FAM117B: variants seen among roughly 807,000 people sequenced by gnomAD.
FAM117B encodes the protein family with sequence similarity 117 member B, also known as protein FAM117B.
In FAM117B, 22 loss-of-function variants were observed where a neutral mutation model predicts 52.8. That is an observed-to-expected ratio of 0.42 (90% CI 0.30 to 0.59). The LOEUF is 0.59. Among genes scored for constraint, FAM117B ranks in the 20% least tolerant of loss-of-function variants. FAM117B has a pLI of 0.22. For synonymous variants in FAM117B, 309 were observed against 324.1 expected (o/e 0.95, Z 0.50); for missense variants, 678 against 802.6 (o/e 0.84, Z 1.88).
chr2:202,667,511 C>G (rs895528222), intron 1 of FAM117B, among the ~76,000 whole-genome samples: 2 of 151,914 alleles, frequency 1.3e-5, no homozygotes, highest in African/African-American at 4.8e-5. Flanking sequence ...CATGTGCTGT[C>G]TCTTTTTCCA....
chr2:202,711,483 C>T (rs990307825), intron 2 of FAM117B, among the ~76,000 whole-genome samples: 1 of 152,102 alleles, frequency 6.6e-6, no homozygotes, highest in Non-Finnish European at 1.5e-5. Context: ...TATTTTCTCC[C>T]ATTCTTTGGG....
At chr2:202,637,449 G>A (rs1689706013) in intron 1 of FAM117B, among the ~76,000 whole-genome samples, 1 of 151,844 alleles carries the variant, frequency 6.6e-6, no homozygotes, top group African/African-American at 2.4e-5. Flanking sequence ...TAGAGATGGG[G>A]TTTCACCATG....
At chr2:202,765,174 T>A (rs1012378979) in intron 7 of FAM117B, among the ~76,000 whole-genome samples, 21 of 152,180 alleles carry the variant, frequency 1.4e-4, no homozygotes, top group Non-Finnish European at 1.5e-5. Context: ...CTGAGCCACC[T>A]GCATGGTAAT....
In FAM117B at chr2:202,635,605, C is replaced by T; in HGVS notation, c.418C>T (p.Pro140Ser). Reference sequence around the variant, plus strand: ...TGGAGCTCGCGGGAGCCCCCCACGGCCGCCGCCGCCGCCGCCGCTGCTGGG... The same window carrying T: ...TGGAGCTCGCGGGAGCCCCCCACGGTCGCCGCCGCCGCCGCCGCTGCTGGG... The part of the protein sequence containing the change: ...APGARGSPPR[P>S]PPPPPLLGTV... The change falls in exon 1 of 8, where the codon CCG (proline) becomes TCG (serine). Residue 140 changes from proline (P) to serine (S), a missense_variant. Transcript: ENST00000392238. 1 of 1,247,706 alleles carries T rather than the reference C, an allele frequency of 8.0e-7. No homozygotes were observed. The highest frequency in any genetic ancestry group is 1.0e-6 in the Non-Finnish European group (1 of 997,730). 77.3% of individuals were successfully genotyped at this position (1,247,706 alleles called of 1,614,324 possible).
chr2:202,731,362 T>TATATATATATATATATACAC (rs1185524899), intron 4 of FAM117B, among the ~76,000 whole-genome samples: 2 of 131,358 alleles, frequency 1.5e-5, no homozygotes, highest in East Asian at 2.3e-4. Context: ...TATATATATA[T>TATATATATATATATATACAC]ATATATGGAG....
intron 4 of FAM117B, among the ~76,000 whole-genome samples, chr2:202,752,097 A>T (rs1166082945): frequency 2.0e-5 from 3 of 152,212 alleles, no homozygotes; most frequent in Middle Eastern, 3.4e-3. Flanking sequence ...AAAATAAGTG[A>T]CACTTGAAAA....
intron 2 of FAM117B, among the ~76,000 whole-genome samples, chr2:202,715,226 C>T (rs1217427668): frequency 1.3e-5 from 2 of 151,656 alleles, no homozygotes; most frequent in South Asian, 2.1e-4. Context: ...ACACCTCCCT[C>T]CCGGACGGGG....
rs972371982 is a variant in FAM117B, at chr2:202,660,003, GTTTC to G, written c.601+24222_601+24225del. Among the ~76,000 whole-genome samples, 4 of 151,678 alleles carry G rather than the reference GTTTC, an allele frequency of 2.6e-5. No individual in the cohort carries two copies. The East Asian group carries it at 7.8e-4, about 29-fold the overall frequency. On this transcript the variant is annotated intron_variant, in intron 1 of 7. Transcript: ENST00000392238. ...CTGTTGATCTATTTTTAGGCTTACT[GTTTC>G]TTTCTTCTGTCACATTCTGTTATTC...
intron 2 of FAM117B, among the ~76,000 whole-genome samples, chr2:202,703,748 A>G (rs887218102): frequency 1.3e-5 from 2 of 152,132 alleles, no homozygotes; most frequent in Non-Finnish European, 2.9e-5. Flanking sequence ...GGGTGTTTCT[A>G]CCTTTTGACT....
chr2:202,722,095 C>T (rs191874605), intron 2 of FAM117B, among the ~76,000 whole-genome samples: 26 of 149,946 alleles, frequency 1.7e-4, no homozygotes, highest in Admixed American at 1.6e-3. Flanking sequence ...ACTGCAACCT[C>T]CACCTCCCAA....
At chr2:202,676,787 A>G (rs1369242730) in intron 1 of FAM117B, among the ~76,000 whole-genome samples, 2 of 152,234 alleles carry the variant, frequency 1.3e-5, no homozygotes, top group African/African-American at 2.4e-5. Flanking sequence ...CAGCAAATAC[A>G]TAGAAATGTG....
At chr2:202,641,351 G>A (rs890187286) in intron 1 of FAM117B, among the ~76,000 whole-genome samples, 4 of 152,124 alleles carry the variant, frequency 2.6e-5, no homozygotes, top group African/African-American at 4.8e-5. Context: ...TGGGGAGAGC[G>A]GAAATAGTAG....
chr2:202,642,835 G>C (rs1689791451), intron 1 of FAM117B, among the ~76,000 whole-genome samples: 1 of 152,190 alleles, frequency 6.6e-6, no homozygotes, highest in African/African-American at 2.4e-5. Flanking sequence ...GCTGAAGATA[G>C]AACTCTGGGA....
At chr2:202,706,646 T>C (rs1690872947) in intron 2 of FAM117B, among the ~76,000 whole-genome samples, 1 of 152,222 alleles carries the variant, frequency 6.6e-6, no homozygotes, top group African/African-American at 2.4e-5. Context: ...AGTAAAAATA[T>C]CACTATTTTA....
In FAM117B at chr2:202,766,072, AC is replaced by A. The variant is rs1691974144; in HGVS notation, c.*309del. Reference sequence around the variant, plus strand: ...TTAGACTTCTTTAAAACACACACACACACACACACACACACACACACACACA... The same window carrying A: ...TTAGACTTCTTTAAAACACACACACAACACACACACACACACACACACACA... On this transcript the variant is annotated 3_prime_UTR_variant, in exon 8 of 8. Coordinates refer to ENST00000392238, the MANE Select transcript of FAM117B (RefSeq NM_173511.4). 1 of 205,158 alleles carries A rather than the reference AC, an allele frequency of 4.9e-6. No individual in the cohort carries two copies. The highest frequency in any genetic ancestry group is 3.1e-5 in the African/African-American group (1 of 32,424). The allele number at this position is 205,158 out of a possible 1,614,324, so 12.7% of individuals were successfully genotyped here.
chr2:202,759,370 C>A lies in FAM117B; in HGVS notation c.1451+17C>A. On this transcript the variant is annotated intron_variant, in intron 7 of 7. Transcript: ENST00000392238. ...GGAATGCTCGTAAGTATCCCTTCCA[C>A]CATCCCCACAAAAAAACTATTATGA... 1 of 1,590,444 alleles carries A rather than the reference C, an allele frequency of 6.3e-7. No individual in the cohort carries two copies. The highest frequency in any genetic ancestry group is 8.5e-7 in the Non-Finnish European group (1 of 1,173,272).
chr2:202,729,792 G>A (rs1264785557), intron 4 of FAM117B, among the ~76,000 whole-genome samples: 1 of 152,218 alleles, frequency 6.6e-6, no homozygotes, highest in South Asian at 2.1e-4. Context: ...GATTAGGCAG[G>A]ATAGAGAGGT....
At chr2:202,710,180 G>C (rs1446263747) in intron 2 of FAM117B, among the ~76,000 whole-genome samples, 1 of 152,162 alleles carries the variant, frequency 6.6e-6, no homozygotes, top group Non-Finnish European at 1.5e-5. Flanking sequence ...GATTTTGATA[G>C]GGATTGCATT....
chr2:202,744,956 G>A (rs1392745504), intron 4 of FAM117B, among the ~76,000 whole-genome samples: 8 of 126,516 alleles, frequency 6.3e-5, no homozygotes, highest in African/African-American at 9.3e-5. Context: ...CAGCCTGGGT[G>A]ATAGAGTGAG....
Sources: gnomAD v4.1 joint callset for allele counts (sites outside exome capture counted in the v4.1 genomes callset) on GRCh38, gnomAD v4.1.1 for gene constraint, MANE v1.5 for transcripts, NCBI Gene and HGNC (gene_info 2026-07-23, HGNC 2026-07-21) for gene names.